The following PCDHGB7 variants were observed in gnomAD, a reference collection of about 807,000 sequenced individuals.
The protein encoded by PCDHGB7 is protocadherin gamma subfamily B, 7.
In PCDHGB7, 37 loss-of-function variants were observed where a neutral mutation model predicts 61.4. The observed-to-expected ratio is 0.60, with a 90% confidence interval of 0.46 to 0.79. The LOEUF (loss-of-function observed/expected upper bound fraction) is 0.79, where lower values mean the gene tolerates loss of function less well. Among genes scored for constraint, PCDHGB7 ranks in the 30% least tolerant of loss-of-function variants. The pLI, the probability that PCDHGB7 is intolerant of heterozygous loss-of-function variation, is 0.00. For missense variants in PCDHGB7, 1,166 were observed against 1,202.5 expected (o/e 0.97, Z 0.45); for synonymous variants, 464 against 503.5 (o/e 0.92, Z 1.05).
chr5:141,464,769 T>C (rs2154568595), intron 1 of PCDHGB7, among the ~76,000 whole-genome samples: 1 of 152,328 alleles, frequency 6.6e-6, no homozygotes. Flanking sequence ...ACAGGAATCT[T>C]GTTCTGTTGC....
chr5:141,511,381 G>A lies in PCDHGB7; in HGVS notation c.*208G>A, dbSNP rs545793377. 97 of 1,170,372 alleles carry A rather than the reference G, an allele frequency of 8.3e-5. No homozygotes were observed. In the East Asian group the frequency reaches 9.2e-4, roughly 11 times the overall value. 72.5% of individuals were successfully genotyped at this position (1,170,372 alleles called of 1,614,324 possible). On this transcript the variant is annotated 3_prime_UTR_variant, in exon 4 of 4. Transcript: ENST00000398594. ...GGGTTGAATATGCAAAAGCAGTTCC[G>A]CTGGGAACCCCCATCCAATCAACTG...
At chr5:141,430,404 A>T (rs1054341813) in intron 1 of PCDHGB7, among the ~76,000 whole-genome samples, 2 of 152,000 alleles carry the variant, frequency 1.3e-5, no homozygotes, top group African/African-American at 4.8e-5. Flanking sequence ...AAAGCTCACT[A>T]AAGTTTCTAT....
Position 141,491,415 on chromosome 5 carries a change from G to GGGT in PCDHGB7, c.2416-3389_2416-3387dup. 1 of 1,614,126 alleles carries GGGT rather than the reference G, an allele frequency of 6.2e-7. No individual in the cohort carries two copies. Among genetic ancestry groups the GGGT allele is most frequent in the Non-Finnish European group, 8.5e-7 (1 of 1,180,034 alleles). ...TTCAGGGAAACGCAGACGGGGACGG[G>GGGT]GGTGGAGGGCAGTGCTGCAGGCGCC... On this transcript the variant is annotated intron_variant, in intron 1 of 3. Transcript: ENST00000398594. The surrounding 1 kb of genome is among the most constrained non-coding windows in gnomAD (Gnocchi z 6.9).
chr5:141,450,015 T>A (rs911475310), intron 1 of PCDHGB7, among the ~76,000 whole-genome samples: 12 of 149,806 alleles, frequency 8.0e-5, no homozygotes, highest in Non-Finnish European at 1.6e-4. Flanking sequence ...TCTTTTTTTT[T>A]TTTTTTTTTG....
intron 1 of PCDHGB7, chr5:141,428,232 G>C (rs546567556): frequency 9.3e-7 from 1 of 1,071,494 alleles, no homozygotes; most frequent in African/African-American, 1.5e-5. Context: ...CAGACAGCCT[G>C]CAGGAGGCAC....
chr5:141,511,115 A>G lies in PCDHGB7; in HGVS notation c.2732A>G (p.Lys911Arg). 6.2e-7 allele frequency: 1 copy of G among 1,614,214 alleles called. No individual in the cohort carries two copies. Among genetic ancestry groups the G allele is most frequent in the Non-Finnish European group, 8.5e-7 (1 of 1,180,006 alleles). ...AACGCAGCTGGCAAGCGGGATGGCA[A>G]GGCCCCAGCAGGTGGCAATGGCAAC... Reference protein sequence around the residue: ...LTNAAGKRDGKAPAGGNGNKK... With the variant: ...LTNAAGKRDGRAPAGGNGNKK... Residue 911 changes from lysine (K) to arginine (R), a missense_variant, in exon 4 of 4, where the codon AAG becomes AGG. Coordinates refer to ENST00000398594, the MANE Select transcript of PCDHGB7 (RefSeq NM_018927.4).
intron 1 of PCDHGB7, among the ~76,000 whole-genome samples, chr5:141,429,826 C>T (rs1211415098): frequency 2.6e-5 from 4 of 152,054 alleles, no homozygotes; most frequent in Non-Finnish European, 4.4e-5. Context: ...GGTCAGTTAC[C>T]CAGGAAAAGG....
At position 141,493,666 on chromosome 5, in the gene PCDHGB7, C is replaced by T. The variant is rs1475584876; in HGVS notation, c.2416-1141C>T. On this transcript the variant is annotated intron_variant, in intron 1 of 3. Transcript: ENST00000398594. The surrounding 1 kb of genome is among the most constrained non-coding windows in gnomAD (Gnocchi z 4.3). ...GCCATCCCTGTGCCCTTCTCCATGG[C>T]AGCCCCAGAATGGTGCTGGTGACTC... 6.6e-6 allele frequency among the ~76,000 whole-genome samples: 1 copy of T among 152,176 alleles called. No individual in the cohort carries two copies. The highest frequency in any genetic ancestry group is 1.5e-5 in the Non-Finnish European group (1 of 68,028).
chr5:141,443,104 C>A (rs950011995), intron 1 of PCDHGB7, among the ~76,000 whole-genome samples: 1 of 151,854 alleles, frequency 6.6e-6, no homozygotes, highest in East Asian at 1.9e-4. Flanking sequence ...TCAAGCTGAA[C>A]CTTGCTTTTC....
rs1248983040 is a variant in PCDHGB7, at chr5:141,476,937, G to T, written c.2416-17870G>T. 3.1e-6 allele frequency: 5 copies of T among 1,614,186 alleles called. No homozygotes were observed. Among genetic ancestry groups the T allele is most frequent in the Non-Finnish European group, 4.2e-6 (5 of 1,180,050 alleles). The stretch of plus-strand genomic sequence containing the variant: ...GTCCTTGCAACGGATCTGGATGAAG[G>T]CCCCAACGGTGAAATTATTTACTCC... On this transcript the variant is annotated intron_variant, in intron 1 of 3. Coordinates refer to ENST00000398594, the MANE Select transcript of PCDHGB7 (RefSeq NM_018927.4). This position sits in a 1 kb window ranked among gnomAD's most constrained non-coding sequence, Gnocchi z 7.6.
In PCDHGB7 at chr5:141,510,834, G is replaced by A. The variant is rs1043468083; in HGVS notation, c.2564-113G>A. 49 of 1,581,762 alleles carry A rather than the reference G, an allele frequency of 3.1e-5. 1 individual carries two copies. The highest frequency in any genetic ancestry group is 4.0e-5 in the Non-Finnish European group (46 of 1,161,670). On this transcript the variant is annotated intron_variant, in intron 3 of 3. Coordinates refer to ENST00000398594, the MANE Select transcript of PCDHGB7 (RefSeq NM_018927.4). ...GACCCCTATATTCCCAGTGCTCAGC[G>A]TGGTCAAGGCCCAGGGTGCTGTATA...
Position 141,476,374 on chromosome 5 carries a change from G to A in PCDHGB7, c.2416-18433G>A. 1.2e-6 allele frequency: 2 copies of A among 1,614,178 alleles called. No individual in the cohort carries two copies. Among genetic ancestry groups the A allele is most frequent in the Non-Finnish European group, 1.7e-6 (2 of 1,180,044 alleles). On this transcript the variant is annotated intron_variant, in intron 1 of 3. Transcript: ENST00000398594. This position sits in a 1 kb window ranked among gnomAD's most constrained non-coding sequence, Gnocchi z 7.6. ...AGGTGAACCGGGAGACCGGAGAGATGTTTGTGAACGACCGTCTGGATCGAG... is the reference window on the plus strand; with the variant it reads ...AGGTGAACCGGGAGACCGGAGAGATATTTGTGAACGACCGTCTGGATCGAG...
intron 1 of PCDHGB7, chr5:141,475,956 G>T (rs2099382674): frequency 2.5e-6 from 2 of 805,186 alleles, no homozygotes; most frequent in South Asian, 1.9e-5. Flanking sequence ...TCTGCGCCCC[G>T]GGATGAGGCA....
In PCDHGB7 at chr5:141,486,936, A is replaced by G; in HGVS notation, c.2416-7871A>G. 2 of 1,614,184 alleles carry G rather than the reference A, an allele frequency of 1.2e-6. No individual in the cohort carries two copies. Among genetic ancestry groups the G allele is most frequent in the Non-Finnish European group, 1.7e-6 (2 of 1,180,030 alleles). On this transcript the variant is annotated intron_variant, in intron 1 of 3. Transcript: ENST00000398594. This position sits in a 1 kb window ranked among gnomAD's most constrained non-coding sequence, Gnocchi z 5.0. ...CTGCCTCCATCAGTTGGTGCTGGCC[A>G]CCTAATCACAAAGGTGACTGCTGTG...
At chr5:141,510,408 T>C (rs1447722710) in intron 3 of PCDHGB7, among the ~76,000 whole-genome samples, 1 of 151,878 alleles carries the variant, frequency 6.6e-6, no homozygotes, top group African/African-American at 2.4e-5. Flanking sequence ...GCTAGGGGCA[T>C]GTAAAGCCAT....
At chr5:141,435,665 A>C (rs1029846055) in intron 1 of PCDHGB7, among the ~76,000 whole-genome samples, 2 of 152,206 alleles carry the variant, frequency 1.3e-5, no homozygotes, top group African/African-American at 4.8e-5. Flanking sequence ...CACAGATTCC[A>C]AGTGTTTTCT....
Position 141,417,982 on chromosome 5 carries a change from G to A in PCDHGB7, c.123G>A (p.Leu41=), listed in dbSNP as rs756382601. 2.5e-6 allele frequency: 4 copies of A among 1,613,886 alleles called. No homozygotes were observed. Among genetic ancestry groups the A allele is most frequent in the Admixed American group, 3.3e-5 (2 of 60,026 alleles). Residue 41 remains leucine (L), a synonymous_variant, in exon 1 of 4, where the codon CTG becomes CTA. Coordinates refer to ENST00000398594, the MANE Select transcript of PCDHGB7 (RefSeq NM_018927.4). ...EPIRYSIPEE[L]AKGSVVGNLA... ...TCCGCTACTCGATTCCGGAGGAGCT[G>A]GCCAAGGGCTCGGTGGTGGGGAACC...
intron 1 of PCDHGB7, among the ~76,000 whole-genome samples, chr5:141,462,211 C>T (rs543979258): frequency 2.0e-5 from 3 of 151,998 alleles, no homozygotes; most frequent in South Asian, 2.1e-4. Context: ...CCGCCTGCCT[C>T]GGCCTCCCAA....
chr5:141,512,241 G>A lies in PCDHGB7; in HGVS notation c.*1068G>A, dbSNP rs533051658. On this transcript the variant is annotated 3_prime_UTR_variant, in exon 4 of 4. Coordinates refer to ENST00000398594, the MANE Select transcript of PCDHGB7 (RefSeq NM_018927.4). ...CCAGGTCCCCTTGAGAGGTCAGAGGGGCCTCTGTGGGTGCTGGGTACTCCA... is the reference window on the plus strand; with the variant it reads ...CCAGGTCCCCTTGAGAGGTCAGAGGAGCCTCTGTGGGTGCTGGGTACTCCA... 1 of 152,866 alleles carries A rather than the reference G, an allele frequency of 6.5e-6. No individual in the cohort carries two copies. The highest frequency in any genetic ancestry group is 2.1e-4 in the South Asian group (1 of 4,824). 9.5% of individuals were successfully genotyped at this position (152,866 alleles called of 1,614,324 possible).
Sources: allele counts gnomAD v4.1 joint callset (sites outside exome capture counted in the v4.1 genomes callset), GRCh38; gene constraint gnomAD v4.1.1; non-coding constraint Gnocchi (gnomAD v3.1); transcripts MANE v1.5; gene names NCBI Gene and HGNC (gene_info 2026-07-23, HGNC 2026-07-21).